Variants in ARL6IP1 observed in about 807,000 individuals in gnomAD.
The protein encoded by ARL6IP1 is ADP-ribosylation factor-like protein 6-interacting protein 1.
In ARL6IP1, 16 loss-of-function variants were observed where a neutral mutation model predicts 30.1. That is an observed-to-expected ratio of 0.53 (90% confidence interval 0.36 to 0.81). ARL6IP1 has a LOEUF of 0.81. Ranked by LOEUF, ARL6IP1 falls within the 30% of genes least tolerant of loss-of-function variation. The pLI, the probability that ARL6IP1 is intolerant of heterozygous loss-of-function variation, is 0.01. For missense variants in ARL6IP1, 173 were observed against 242.7 expected (o/e 0.71, Z 1.91); for synonymous variants, 72 against 84.8 (o/e 0.85, Z 0.83).
Position 18,798,845 on chromosome 16 carries a change from C to T in ARL6IP1, c.37-11G>A, listed in dbSNP as rs566509975. On this transcript the variant is annotated splice_polypyrimidine_tract_variant and intron_variant, in intron 1 of 5. Coordinates refer to ENST00000304414, the MANE Select transcript of ARL6IP1 (RefSeq NM_015161.3). ...TGCAGTCTCTGCAGCCTAAATACCA[C>T]CGACATTTAAAGTGATCATTTTACC... 50 of 1,612,482 alleles carry T rather than the reference C, an allele frequency of 3.1e-5. No homozygotes were observed. In the South Asian group the frequency reaches 5.2e-4, roughly 17 times the overall value.
chr16:18,797,028 T>C (rs940207517), intron 3 of ARL6IP1, among the ~76,000 whole-genome samples: 4 of 152,136 alleles, frequency 2.6e-5, no homozygotes, highest in Non-Finnish European at 5.9e-5. Flanking sequence ...AAAGTTAAAA[T>C]ACTTTTAATA....
chr16:18,794,734 A>T, intron 4 of ARL6IP1, 51 bp from the exon 5 acceptor site: 1 of 1,264,976 alleles, frequency 7.9e-7, no homozygotes, highest in Non-Finnish European at 1.1e-6. Context: ...GACACCATAA[A>T]TATATGTAAT....
chr16:18,801,404 C>G (rs2141875967), intron 1 of ARL6IP1, 27 bp downstream of exon 1: 3 of 1,612,166 alleles, frequency 1.9e-6, no homozygotes, highest in Non-Finnish European at 2.5e-6. Context: ...TCGCTCGGCT[C>G]CCGGGGGACA....
Position 18,794,598 on chromosome 16 carries a change from C to G in ARL6IP1, c.493+1G>C. 6.2e-7 allele frequency: 1 copy of G among 1,612,068 alleles called. No homozygotes were observed. Among genetic ancestry groups the G allele is most frequent in the Non-Finnish European group, 8.5e-7 (1 of 1,178,664 alleles). On this transcript the variant is annotated splice_donor_variant, in intron 5 of 5. Coordinates refer to ENST00000304414, the MANE Select transcript of ARL6IP1 (RefSeq NM_015161.3). LOFTEE classifies it high-confidence loss of function. ...CCTGTAGTTTTTCCTCAAAGACTTA[C>G]CTATCAGGTAGGTGAGAAGCAGGTT...
chr16:18,801,060 C>T (rs2030392863), intron 1 of ARL6IP1: 1 of 640,952 alleles, frequency 1.6e-6, no homozygotes, highest in Non-Finnish European at 2.1e-6. Flanking sequence ...AGGTTAAGAT[C>T]AAAGACGGGG....
intron 3 of ARL6IP1, among the ~76,000 whole-genome samples, chr16:18,797,495 CCTCAGTGT>C (rs1278465481): frequency 6.6e-6 from 1 of 152,122 alleles, no homozygotes. Flanking sequence ...CATTCCACTG[CCTCAGTGT>C]CTCAGTATCT....
At chr16:18,793,766 A>G (rs2030144153) in intron 5 of ARL6IP1, among the ~76,000 whole-genome samples, 1 of 151,970 alleles carries the variant, frequency 6.6e-6, no homozygotes, top group African/African-American at 2.4e-5. Context: ...CTGGAGTGCA[A>G]TGGCACAATC....
intron 3 of ARL6IP1, among the ~76,000 whole-genome samples, chr16:18,796,346 TGATA>T (rs754397152): frequency 6.6e-6 from 1 of 152,174 alleles, no homozygotes; most frequent in Admixed American, 6.5e-5. Context: ...AAAACTGCAG[TGATA>T]GATAAAGTAC....
chr16:18,793,206 C>G lies in ARL6IP1; in HGVS notation c.*46G>C. The G allele has an allele frequency of 1.5e-6, 2 of 1,307,122 alleles. No individual in the cohort carries two copies. The highest frequency in any genetic ancestry group is 2.2e-6 in the Non-Finnish European group (2 of 915,734). The allele number at this position is 1,307,122 out of a possible 1,614,324, so 81.0% of individuals were successfully genotyped here. ...CAGATAGTACAGCAGAAACGGTTCC[C>G]GGGGCAATGGGTGCTGCATTAATCA... On this transcript the variant is annotated 3_prime_UTR_variant, in exon 6 of 6. Coordinates refer to ENST00000304414, the MANE Select transcript of ARL6IP1 (RefSeq NM_015161.3).
In ARL6IP1 at chr16:18,793,101, T is replaced by C; in HGVS notation, c.*151A>G. ...CATGAAGACACTATGCACGAAGCCT[T>C]ACTTGGCGAGTCTGAATTTCTATTA... On this transcript the variant is annotated 3_prime_UTR_variant, in exon 6 of 6. Transcript: ENST00000304414. 3.5e-6 allele frequency: 2 copies of C among 577,862 alleles called. No homozygotes were observed. Among genetic ancestry groups the C allele is most frequent in the Non-Finnish European group, 6.1e-6 (2 of 327,654 alleles). The allele number at this position is 577,862 out of a possible 1,614,324, so 35.8% of individuals were successfully genotyped here. A position where few individuals can be genotyped will look rare whatever the true frequency, so the allele number is the denominator to read the frequency against.
chr16:18,795,561 C>T lies in ARL6IP1; in HGVS notation c.311G>A (p.Arg104Lys). ...TAGATTGCTGCAAATTTCATGGAAT[C>T]TTTGCTGTTGTTCAGTGGTCCTAGA... ...SNKWTTEQQQ[R>K]FHEICSNLVK... Residue 104 changes from arginine to lysine, a missense_variant, in exon 4 of 6, where the codon AGA becomes AAA. Arg to Lys is a conservative substitution (Grantham distance 26). Coordinates refer to ENST00000304414, the MANE Select transcript of ARL6IP1 (RefSeq NM_015161.3). 6.2e-7 allele frequency: 1 copy of T among 1,613,420 alleles called. No individual in the cohort carries two copies. Among genetic ancestry groups the T allele is most frequent in the South Asian group, 1.1e-5 (1 of 91,062 alleles).
intron 1 of ARL6IP1, 130 bp downstream of exon 1, chr16:18,801,301 G>A: frequency 6.6e-7 from 1 of 1,506,740 alleles, no homozygotes. Context: ...CGAGGGCCAG[G>A]CATCGTCGCC....
In ARL6IP1 at chr16:18,798,552, T is replaced by C. The variant is rs539207504; in HGVS notation, c.170+149A>G. ...CAGAAGTACTACAAATTCTGGAAACTAGAAGTGCTTATGAGAAACATTCTT... is the reference window on the plus strand; with the variant it reads ...CAGAAGTACTACAAATTCTGGAAACCAGAAGTGCTTATGAGAAACATTCTT... On this transcript the variant is annotated intron_variant, in intron 2 of 5. Transcript: ENST00000304414. 4.7e-6 allele frequency: 4 copies of C among 850,386 alleles called. No individual in the cohort carries two copies. The East Asian group carries it at 9.2e-5, about 20-fold the overall frequency. The allele number at this position is 850,386 out of a possible 1,614,324, so 52.7% of individuals were successfully genotyped here.
At chr16:18,798,284 G>C in intron 2 of ARL6IP1, 1 of 377,538 alleles carries the variant, frequency 2.6e-6, no homozygotes. Flanking sequence ...TTTTTTAAGA[G>C]TTTAGGGAGG....
rs2030089448 is a variant in ARL6IP1 at position 18,792,221 on chromosome 16, T to C, written c.*1031A>G. The C allele has an allele frequency of 6.6e-6, 1 of 152,230 alleles. No homozygotes were observed. The highest frequency in any genetic ancestry group is 2.4e-5 in the African/African-American group (1 of 41,468). 9.4% of individuals were successfully genotyped at this position (152,230 alleles called of 1,614,324 possible). ...CTTGTATTTTTCAGGGAGAAATCTC[T>C]AGGAAAAAAGTCAGACACCAGTGTA... is the stretch of plus-strand genomic sequence containing the variant. On this transcript the variant is annotated 3_prime_UTR_variant, in exon 6 of 6. Coordinates refer to ENST00000304414, the MANE Select transcript of ARL6IP1 (RefSeq NM_015161.3).
In ARL6IP1 at chr16:18,798,075, A is replaced by G. The variant is rs1034059997; in HGVS notation, c.171-31T>C. The G allele has an allele frequency of 5.2e-6, 8 of 1,551,566 alleles. No individual in the cohort carries two copies. In the Admixed American group the frequency reaches 1.6e-4, roughly 31 times the overall value. On this transcript the variant is annotated intron_variant, in intron 2 of 5. Coordinates refer to ENST00000304414, the MANE Select transcript of ARL6IP1 (RefSeq NM_015161.3). ...AAAAAAATTAATAAAGGTTAGAAAA[A>G]CATAGTCATTATTATTCCTAACTAA... is the stretch of plus-strand genomic sequence containing the variant.
rs904310366 is a variant in ARL6IP1, at chr16:18,791,687, A to AT, written c.*1564dup. The stretch of plus-strand genomic sequence containing the variant: ...AGACATGAAGATTCCAGCTTTTTTT[A>AT]TTTTTTCCCCTTTTACACAAAACAA... On this transcript the variant is annotated 3_prime_UTR_variant, in exon 6 of 6. Transcript: ENST00000304414. 1.7e-4 allele frequency: 26 copies of AT among 152,222 alleles called. No individual in the cohort carries two copies. Among genetic ancestry groups the AT allele is most frequent in the African/African-American group, 6.0e-4 (25 of 41,558 alleles). 9.4% of individuals were successfully genotyped at this position (152,222 alleles called of 1,614,324 possible). A position where few individuals can be genotyped will look rare whatever the true frequency, so the allele number is the denominator to read the frequency against.
At chr16:18,795,726 C>T in intron 3 of ARL6IP1, 145 bp from the exon 4 acceptor site, 1 of 601,976 alleles carries the variant, frequency 1.7e-6, no homozygotes, top group Non-Finnish European at 2.9e-6. Flanking sequence ...TGAAAAAATC[C>T]TTCCACCATT....
chr16:18,801,461 C>T lies in ARL6IP1; in HGVS notation c.6G>A (p.Ala2=), dbSNP rs1341666694. 1 of 1,612,954 alleles carries T rather than the reference C, an allele frequency of 6.2e-7. No individual in the cohort carries two copies. Among genetic ancestry groups the T allele is most frequent in the South Asian group, 1.1e-5 (1 of 90,840 alleles). M[A]EGDNRSTNLL... ...GGTTGGTGCTGCGATTATCTCCCTCCGCCATCGTCTCGGGGATGCAGTCTC... is the reference window on the plus strand; with the variant it reads ...GGTTGGTGCTGCGATTATCTCCCTCTGCCATCGTCTCGGGGATGCAGTCTC... Residue 2 remains alanine, a synonymous_variant, in exon 1 of 6, where the codon GCG becomes GCA. Transcript: ENST00000304414.
Sources: allele counts gnomAD v4.1 joint callset (sites outside exome capture counted in the v4.1 genomes callset), GRCh38; gene constraint gnomAD v4.1.1; transcripts MANE v1.5; gene names NCBI Gene and HGNC (gene_info 2026-07-23, HGNC 2026-07-21).